Variants in FARS2 observed in about 807,000 individuals in gnomAD.
FARS2 encodes the protein phenylalanyl-tRNA synthetase 2, mitochondrial.
In FARS2, 40 loss-of-function variants were observed where a neutral mutation model predicts 46.4. The ratio of observed to expected loss-of-function variants is 0.86; its 90% CI spans 0.67 to 1.12. The LOEUF (loss-of-function observed/expected upper bound fraction) is 1.12, where lower values mean the gene tolerates loss of function less well. Ranked by LOEUF, FARS2 falls within the 50% of genes most tolerant of loss-of-function variation. FARS2 has a pLI of 0.00. For synonymous variants in FARS2, 234 were observed against 214.9 expected (o/e 1.09, Z -0.78); for missense variants, 513 against 567.9 (o/e 0.90, Z 0.98).
chr6:5,387,066 C>G (rs975264922), intron 2 of FARS2, among the ~76,000 whole-genome samples: 3 of 152,126 alleles, frequency 2.0e-5, no homozygotes, highest in African/African-American at 4.8e-5. Context: ...AGCTATCAAC[C>G]TAACTGTATT....
At chr6:5,625,777 G>A (rs148577027) in intron 6 of FARS2, among the ~76,000 whole-genome samples, 24 of 152,322 alleles carry the variant, frequency 1.6e-4, no homozygotes, top group Admixed American at 7.8e-4. Flanking sequence ...TGCTGTTACA[G>A]CAGAATCATC....
intron 4 of FARS2, among the ~76,000 whole-genome samples, chr6:5,447,521 G>T (rs200194): frequency 4.7e-4 from 71 of 152,196 alleles, no homozygotes; most frequent in African/African-American, 1.7e-3. Flanking sequence ...CTTCCTCATG[G>T]TGGAGACATT....
At chr6:5,660,208 A>C (rs1300746835) in intron 6 of FARS2, among the ~76,000 whole-genome samples, 3 of 152,200 alleles carry the variant, frequency 2.0e-5, no homozygotes, top group Admixed American at 1.3e-4. Flanking sequence ...GCCAGTAGTC[A>C]CTGTGGAAAG....
intron 4 of FARS2, among the ~76,000 whole-genome samples, chr6:5,466,062 T>C (rs1765497856): frequency 6.6e-6 from 1 of 152,166 alleles, no homozygotes; most frequent in Non-Finnish European, 1.5e-5. Flanking sequence ...GAAGCTCATT[T>C]CTTACACACA....
chr6:5,475,916 A>G (rs1013618301), intron 4 of FARS2, among the ~76,000 whole-genome samples: 3 of 152,112 alleles, frequency 2.0e-5, no homozygotes, highest in Admixed American at 6.5e-5. Flanking sequence ...ATTTTGCTCC[A>G]TTAGCCATTC....
At chr6:5,331,279 A>G (rs935822132) in intron 1 of FARS2, among the ~76,000 whole-genome samples, 2 of 152,022 alleles carry the variant, frequency 1.3e-5, no homozygotes, top group African/African-American at 4.8e-5. Flanking sequence ...TCATTCAAAG[A>G]GTTTTTGCCT....
Position 5,578,012 on chromosome 6 carries a change from A to G in FARS2, c.1065+32672A>G, listed in dbSNP as rs796912910. ...GAGAATGGGTTTCACCGTGTTAGCC[A>G]GGATAGTCTCAATCTTCTGACCTCG... On this transcript the variant is annotated intron_variant, in intron 5 of 6. Coordinates refer to ENST00000274680, the MANE Select transcript of FARS2 (RefSeq NM_006567.5). 2.5e-4 allele frequency among the ~76,000 whole-genome samples: 38 copies of G among 152,290 alleles called. 1 individual carries two copies. Among genetic ancestry groups the G allele is most frequent in the African/African-American group, 9.1e-4 (38 of 41,564 alleles).
At chr6:5,284,895 T>G (rs990943901) in intron 1 of FARS2, among the ~76,000 whole-genome samples, 1 of 152,186 alleles carries the variant, frequency 6.6e-6, no homozygotes, top group East Asian at 1.9e-4. Flanking sequence ...CAAGCATTGC[T>G]TAACATGTTC....
intron 4 of FARS2, among the ~76,000 whole-genome samples, chr6:5,444,415 C>T (rs992045505): frequency 6.1e-5 from 8 of 132,154 alleles, no homozygotes; most frequent in Admixed American, 1.8e-4. Context: ...TGCAGTGAGC[C>T]GAGATTGCGC....
chr6:5,681,095 C>G (rs1160785924), intron 6 of FARS2, among the ~76,000 whole-genome samples: 1 of 152,184 alleles, frequency 6.6e-6, no homozygotes, highest in Non-Finnish European at 1.5e-5. Flanking sequence ...TGCCCATACC[C>G]TTGATCTGGT....
intron 6 of FARS2, among the ~76,000 whole-genome samples, chr6:5,633,143 T>G (rs1195966404): frequency 6.6e-6 from 1 of 152,068 alleles, no homozygotes; most frequent in East Asian, 1.9e-4. Context: ...GTTTGTTTTG[T>G]TTTAGAGACA....
At chr6:5,734,226 G>GC (rs1002571866) in intron 6 of FARS2, among the ~76,000 whole-genome samples, 2 of 152,114 alleles carry the variant, frequency 1.3e-5, no homozygotes, top group Non-Finnish European at 2.9e-5. Context: ...ACCTCTTCCT[G>GC]CCCCCCGCAG....
At chr6:5,436,962 G>A (rs1426743723) in intron 4 of FARS2, among the ~76,000 whole-genome samples, 1 of 151,908 alleles carries the variant, frequency 6.6e-6, no homozygotes, top group Non-Finnish European at 1.5e-5. Context: ...AGTTTGATCA[G>A]TTATTGACAT....
chr6:5,420,083 G>A (rs1762460591), intron 3 of FARS2, among the ~76,000 whole-genome samples: 1 of 152,166 alleles, frequency 6.6e-6, no homozygotes, highest in Non-Finnish European at 1.5e-5. Flanking sequence ...CAAGGCAGCA[G>A]GCAAGAAAAG....
chr6:5,260,555 C>T (rs1764996241), upstream of FARS2: 1 of 1,487,400 alleles, frequency 6.7e-7, no homozygotes, highest in Non-Finnish European at 9.0e-7. Flanking sequence ...ACCACGGTGG[C>T]TCCCAGTCCC....
In FARS2 at chr6:5,356,313, G is replaced by A. The variant is rs78747557; in HGVS notation, c.-21-12237G>A. On this transcript the variant is annotated intron_variant, in intron 1 of 6. Transcript: ENST00000274680. ...AGGATGCAAAAAATCAGCTGGGTGTGGTGGTGCACGCCTGTAATCCCAGCT... is the reference window on the plus strand; with the variant it reads ...AGGATGCAAAAAATCAGCTGGGTGTAGTGGTGCACGCCTGTAATCCCAGCT... Among the ~76,000 whole-genome samples the A allele has an allele frequency of 4.5e-3, 680 of 152,306 alleles. 5 individuals are homozygous for A. The highest frequency in any genetic ancestry group is 0.016 in the African/African-American group (650 of 41,562).
At chr6:5,529,410 C>G (rs1280296057) in intron 4 of FARS2, among the ~76,000 whole-genome samples, 1 of 152,134 alleles carries the variant, frequency 6.6e-6, no homozygotes, top group Non-Finnish European at 1.5e-5. Context: ...TGGGTTCAAT[C>G]GATTCTCCTA....
At chr6:5,357,652 A>C (rs1758024042) in intron 1 of FARS2, among the ~76,000 whole-genome samples, 1 of 152,220 alleles carries the variant, frequency 6.6e-6, no homozygotes, top group African/African-American at 2.4e-5. Context: ...TTTATCAAGA[A>C]CTTACTAGGA....
chr6:5,673,030 T>C (rs910153951), intron 6 of FARS2, among the ~76,000 whole-genome samples: 1 of 152,190 alleles, frequency 6.6e-6, no homozygotes, highest in Admixed American at 6.5e-5. Context: ...TTATCTCCTC[T>C]GCCTTTGCAG....
Sources: gnomAD v4.1 joint callset for allele counts (sites outside exome capture counted in the v4.1 genomes callset) on GRCh38, gnomAD v4.1.1 for gene constraint, MANE v1.5 for transcripts, NCBI Gene and HGNC (gene_info 2026-07-23, HGNC 2026-07-21) for gene names.